TENM2: variants seen among roughly 807,000 people sequenced by gnomAD.
TENM2 encodes teneurin-2.
TENM2 carries 52 observed loss-of-function variants against 245.2 expected under a neutral mutation model. The observed-to-expected ratio is 0.21, with a 90% CI of 0.17 to 0.27. The LOEUF is 0.27. Among genes scored for constraint, TENM2 ranks in the 10% least tolerant of loss-of-function variants. The pLI is 1.00. For synonymous variants in TENM2, 1,363 were observed against 1,438.9 expected (o/e 0.95, Z 1.19); for missense variants, 3,046 against 3,666.8 (o/e 0.83, Z 4.37).
intron 7 of TENM2, among the ~76,000 whole-genome samples, chr5:168,078,076 C>T (rs1023573263): frequency 1.3e-5 from 2 of 152,150 alleles, no homozygotes; most frequent in Admixed American, 6.5e-5. Flanking sequence ...TCTCCACAGC[C>T]TCTCCAGCAC....
At chr5:167,125,309 A>C in the TENM2 span, among the ~76,000 whole-genome samples, 1 of 152,234 alleles carries the variant, frequency 6.6e-6, no homozygotes, top group East Asian at 1.9e-4. Context: ...AATTATTCAG[A>C]TTAAGTACAC....
intron 2 of TENM2, among the ~76,000 whole-genome samples, chr5:167,419,139 A>AGAT (rs1454743754): frequency 6.6e-6 from 1 of 151,960 alleles, no homozygotes; most frequent in Non-Finnish European, 1.5e-5. Context: ...GTAGATAGAT[A>AGAT]GATAGATAGA....
the TENM2 span, among the ~76,000 whole-genome samples, chr5:167,017,798 G>C: frequency 1.3e-5 from 2 of 152,048 alleles, no homozygotes; most frequent in Non-Finnish European, 2.9e-5. Flanking sequence ...GTCTTATTGC[G>C]TGATGCCATA....
intron 2 of TENM2, among the ~76,000 whole-genome samples, chr5:167,846,391 G>C (rs1770042200): frequency 6.6e-6 from 1 of 152,234 alleles, no homozygotes; most frequent in South Asian, 2.1e-4. Flanking sequence ...TGAATTCACT[G>C]TGCCTGAATG....
the TENM2 span, among the ~76,000 whole-genome samples, chr5:167,177,487 C>A: frequency 6.6e-6 from 1 of 152,154 alleles, no homozygotes; most frequent in African/African-American, 2.4e-5. Flanking sequence ...TATTTACTTG[C>A]ATGTATTCCC....
At chr5:168,229,573 G>A (rs1764642769) in intron 25 of TENM2, 1 of 151,962 alleles carries the variant, frequency 6.6e-6, no homozygotes, top group African/African-American at 2.4e-5. Context: ...CAAGCACTAG[G>A]AAGTCAGTAA....
At chr5:167,128,363 C>T in the TENM2 span, among the ~76,000 whole-genome samples, 1 of 152,040 alleles carries the variant, frequency 6.6e-6, no homozygotes, top group Non-Finnish European at 1.5e-5. Flanking sequence ...ATGATCTGGC[C>T]CAGGGGAGTC....
At chr5:168,150,514 T>C (rs1335543352) in intron 12 of TENM2, among the ~76,000 whole-genome samples, 2 of 152,176 alleles carry the variant, frequency 1.3e-5, no homozygotes. Context: ...AGAAATCCCA[T>C]TTTGTTTCTG....
At chr5:167,498,772 T>C (rs1368841338) in intron 2 of TENM2, among the ~76,000 whole-genome samples, 1 of 152,150 alleles carries the variant, frequency 6.6e-6, no homozygotes, top group Non-Finnish European at 1.5e-5. Context: ...ATTTTTAAAA[T>C]TTTATTTCAA....
rs1032933191 is a variant in TENM2, at chr5:168,191,550, T to G, written c.2780+1003T>G. ...ATAAAAACTGCTGGTCAGGTCCTTT[T>G]TCACAAAACTTCTAGATACTAGGAA... On this transcript the variant is annotated intron_variant, in intron 14 of 28. Transcript: ENST00000518659. Among the ~76,000 whole-genome samples, 3 of 152,072 alleles carry G rather than the reference T, an allele frequency of 2.0e-5. No individual in the cohort carries two copies. In the East Asian group the frequency reaches 5.8e-4, roughly 29 times the overall value.
chr5:167,944,341 C>A (rs1170542403), intron 3 of TENM2, among the ~76,000 whole-genome samples: 1 of 152,080 alleles, frequency 6.6e-6, no homozygotes, highest in Admixed American at 6.6e-5. Flanking sequence ...AAATTCCCAG[C>A]TCGCCCTCAG....
chr5:167,832,088 G>A (rs745669847), intron 2 of TENM2, among the ~76,000 whole-genome samples: 2 of 152,022 alleles, frequency 1.3e-5, no homozygotes, highest in South Asian at 2.1e-4. Context: ...AAACTGAAAC[G>A]ACCAAATCCA....
At chr5:167,434,612 T>C (rs1434723488) in intron 2 of TENM2, among the ~76,000 whole-genome samples, 1 of 152,026 alleles carries the variant, frequency 6.6e-6, no homozygotes, top group Non-Finnish European at 1.5e-5. Flanking sequence ...ACTTCATACA[T>C]TCATTTAAAA....
chr5:168,176,631 C>G (rs1295124907), intron 13 of TENM2, among the ~76,000 whole-genome samples: 1 of 152,164 alleles, frequency 6.6e-6, no homozygotes, highest in Non-Finnish European at 1.5e-5. Flanking sequence ...CACTGTAATT[C>G]CATCATGCAT....
intron 2 of TENM2, among the ~76,000 whole-genome samples, chr5:167,409,274 T>C (rs145735361): frequency 1.3e-4 from 20 of 152,098 alleles, no homozygotes; most frequent in African/African-American, 4.6e-4. Flanking sequence ...GGGTGTAATA[T>C]TAACTAAAGA....
intron 16 of TENM2, among the ~76,000 whole-genome samples, chr5:168,199,385 C>CTT (rs1319185838): frequency 6.6e-6 from 1 of 152,212 alleles, no homozygotes; most frequent in African/African-American, 2.4e-5. Context: ...CTGCAAATTG[C>CTT]TTTTTGTTCC....
intron 2 of TENM2, among the ~76,000 whole-genome samples, chr5:167,548,608 C>G (rs1772726003): frequency 6.6e-6 from 1 of 152,002 alleles, no homozygotes. Flanking sequence ...GAGACCACAC[C>G]AATTTTGTTT....
At chr5:167,008,199 A>AT in the TENM2 span, among the ~76,000 whole-genome samples, 2 of 152,150 alleles carry the variant, frequency 1.3e-5, no homozygotes, top group Admixed American at 6.5e-5. Context: ...TGTAGTTTAT[A>AT]TTTTTTTGGC....
intron 13 of TENM2, among the ~76,000 whole-genome samples, chr5:168,163,826 A>G (rs1168197722): frequency 6.6e-6 from 1 of 152,202 alleles, no homozygotes; most frequent in Non-Finnish European, 1.5e-5. Context: ...GATTCCATCT[A>G]ATCTATAACT....
Sources: allele counts gnomAD v4.1 joint callset (sites outside exome capture counted in the v4.1 genomes callset), GRCh38; gene constraint gnomAD v4.1.1; transcripts MANE v1.5; gene names NCBI Gene and HGNC (gene_info 2026-07-23, HGNC 2026-07-21).